The following SORCS1 variants were observed in gnomAD, a reference collection of about 807,000 sequenced individuals.
SORCS1 encodes sortilin related VPS10 domain containing receptor 1.
In SORCS1, 60 loss-of-function variants were observed where a neutral mutation model predicts 146.1. The ratio of observed to expected loss-of-function variants is 0.41; its 90% CI spans 0.33 to 0.51. SORCS1 has a LOEUF of 0.51. SORCS1 is among the 20% of genes least tolerant of loss of function. SORCS1 has a pLI of 0.21. For synonymous variants in SORCS1, 637 were observed against 584.0 expected, an observed-to-expected ratio of 1.09 and a Z score of -1.31; for missense variants, 1,352 against 1,487.6, an observed-to-expected ratio of 0.91 and a Z score of 1.50.
intron 1 of SORCS1, among the ~76,000 whole-genome samples, chr10:107,062,268 C>G (rs1000723411): frequency 6.6e-6 from 1 of 151,898 alleles, no homozygotes; most frequent in Non-Finnish European, 1.5e-5. Flanking sequence ...ACAAGCTATC[C>G]CTTTGATCTT....
intron 1 of SORCS1, among the ~76,000 whole-genome samples, chr10:106,957,820 A>G (rs997883219): frequency 6.6e-6 from 1 of 152,218 alleles, no homozygotes; most frequent in Non-Finnish European, 1.5e-5. Context: ...ACCCAGAGGA[A>G]CCTAAACTAT....
intron 1 of SORCS1, among the ~76,000 whole-genome samples, chr10:107,092,883 G>GAAAAAAAAAA (rs34184443): frequency 3.3e-5 from 2 of 61,516 alleles, no homozygotes; most frequent in Non-Finnish European, 6.0e-5. Flanking sequence ...AGAAGACCAT[G>GAAAAAAAAAA]AAAAAAAAAA....
chr10:106,717,814 AG>A (rs1419786823), intron 6 of SORCS1, among the ~76,000 whole-genome samples: 1 of 152,218 alleles, frequency 6.6e-6, no homozygotes, highest in Non-Finnish European at 1.5e-5. Flanking sequence ...AGCGCATTCT[AG>A]GATGAATGGA....
intron 2 of SORCS1, among the ~76,000 whole-genome samples, chr10:106,922,157 TAA>T (rs776602539): frequency 6.6e-6 from 1 of 152,246 alleles, no homozygotes; most frequent in African/African-American, 2.4e-5. Flanking sequence ...ATGAAAGGGA[TAA>T]GTTTCTTTCA....
chr10:106,657,275 T>TA (rs1201369604), intron 17 of SORCS1, among the ~76,000 whole-genome samples: 1 of 152,002 alleles, frequency 6.6e-6, no homozygotes, highest in Non-Finnish European at 1.5e-5. Context: ...TACTCAGTCA[T>TA]AAAAAAAGAA....
At chr10:106,686,110 TA>T in intron 10 of SORCS1, among the ~76,000 whole-genome samples, 1 of 152,306 alleles carries the variant, frequency 6.6e-6, no homozygotes, top group South Asian at 2.1e-4. Flanking sequence ...GTTGATTTTT[TA>T]AAAAAAATGG....
At chr10:106,915,672 A>G (rs527751915) in intron 2 of SORCS1, among the ~76,000 whole-genome samples, 2 of 152,308 alleles carry the variant, frequency 1.3e-5, no homozygotes, top group Admixed American at 1.3e-4. Context: ...TTTGGGGAAC[A>G]TAGTAGACTC....
At chr10:107,030,573 T>TA (rs1338865561) in intron 1 of SORCS1, among the ~76,000 whole-genome samples, 14 of 152,072 alleles carry the variant, frequency 9.2e-5, no homozygotes, top group South Asian at 2.1e-4. Flanking sequence ...TTCACAGAAG[T>TA]AAAAAAAGCA....
intron 1 of SORCS1, among the ~76,000 whole-genome samples, chr10:107,112,432 C>T (rs1463580060): frequency 6.6e-6 from 1 of 151,442 alleles, no homozygotes. Context: ...CATACCAATA[C>T]AAAAATTCAA....
intron 1 of SORCS1, among the ~76,000 whole-genome samples, chr10:107,044,754 G>A (rs1959221795): frequency 6.8e-6 from 1 of 146,928 alleles, no homozygotes; most frequent in Non-Finnish European, 1.5e-5. Flanking sequence ...GTAGGTTGCA[G>A]TGAGCCAAGA....
At chr10:106,756,006 G>C (rs193176544) in intron 5 of SORCS1, among the ~76,000 whole-genome samples, 1 of 152,104 alleles carries the variant, frequency 6.6e-6, no homozygotes, top group South Asian at 2.1e-4. Context: ...GCCTGTGCCT[G>C]TAGTCTCAAC....
chr10:106,837,727 C>G (rs184495932), intron 2 of SORCS1, among the ~76,000 whole-genome samples: 6 of 151,422 alleles, frequency 4.0e-5, no homozygotes, highest in African/African-American at 1.5e-4. Flanking sequence ...ATACCCAATC[C>G]CTCTCTTTTC....
rs79596644 is a variant in SORCS1 at position 106,893,526 on chromosome 10, G to A, written c.626+62987C>T. Among the ~76,000 whole-genome samples, 1,501 of 152,246 alleles carry A rather than the reference G, an allele frequency of 9.9e-3. 36 individuals carry two copies. Among genetic ancestry groups the A allele is most frequent in the African/African-American group, 0.035 (1,444 of 41,534 alleles). ...CATGCAATAATTATGAAATAAATAA[G>A]TTAATGATGAAATAAATCAATGCGG... is the stretch of plus-strand genomic sequence containing the variant. On this transcript the variant is annotated intron_variant, in intron 2 of 25. Coordinates refer to ENST00000263054, the MANE Select transcript of SORCS1 (RefSeq NM_052918.5).
chr10:106,619,240 C>T, intron 20 of SORCS1, among the ~76,000 whole-genome samples: 1 of 152,292 alleles, frequency 6.6e-6, no homozygotes, highest in South Asian at 2.1e-4. Context: ...TCCTGCTCTT[C>T]CGCTATGGAT....
At chr10:106,912,690 T>A (rs577548357) in intron 2 of SORCS1, among the ~76,000 whole-genome samples, 48 of 152,330 alleles carry the variant, frequency 3.2e-4, no homozygotes, top group African/African-American at 1.1e-3. Context: ...TTGTTTTGTT[T>A]TGTTTTTTAA....
intron 5 of SORCS1, among the ~76,000 whole-genome samples, chr10:106,747,498 A>T (rs542700759): frequency 4.5e-4 from 68 of 152,274 alleles, no homozygotes; most frequent in African/African-American, 1.6e-3. Flanking sequence ...ACATAGATTC[A>T]CTAGTCTTAC....
intron 2 of SORCS1, among the ~76,000 whole-genome samples, chr10:106,924,507 ATCT>A (rs1952898228): frequency 6.6e-6 from 1 of 151,980 alleles, no homozygotes; most frequent in South Asian, 2.1e-4. Context: ...CTATCTATCT[ATCT>A]ATCTAATTTG....
chr10:106,844,641 T>C (rs1949232642), intron 2 of SORCS1, among the ~76,000 whole-genome samples: 1 of 150,866 alleles, frequency 6.6e-6, no homozygotes, highest in African/African-American at 2.4e-5. Context: ...GCAGGTTAGT[T>C]ACATATGTAT....
At chr10:106,870,201 A>G (rs1226524660) in intron 2 of SORCS1, among the ~76,000 whole-genome samples, 2 of 152,224 alleles carry the variant, frequency 1.3e-5, no homozygotes, top group African/African-American at 4.8e-5. Flanking sequence ...AAAGACACAA[A>G]CAAATGGAAA....
Sources: allele counts gnomAD v4.1 joint callset (sites outside exome capture counted in the v4.1 genomes callset), GRCh38; gene constraint gnomAD v4.1.1; transcripts MANE v1.5; gene names NCBI Gene and HGNC (gene_info 2026-07-23, HGNC 2026-07-21).